Variants in DENND2B observed in about 807,000 individuals in gnomAD.
DENND2B encodes DENN domain-containing protein 2B.
In DENND2B, 32 loss-of-function variants were observed where a neutral mutation model predicts 116.0. The observed-to-expected ratio is 0.28, with a 90% confidence interval of 0.21 to 0.37. The LOEUF is 0.37. Ranked by LOEUF, DENND2B falls within the 10% of genes least tolerant of loss-of-function variation. The probability of loss-of-function intolerance (pLI) is 1.00; values close to 1 mark genes in which losing one functional copy is unlikely to be tolerated. For synonymous variants in DENND2B, 588 were observed against 583.9 expected, an observed-to-expected ratio of 1.01 and a Z score of -0.10; for missense variants, 1,276 against 1,477.7, an observed-to-expected ratio of 0.86 and a Z score of 2.24.
chr11:8,708,545 G>A (rs191101552), intron 11 of DENND2B, among the ~76,000 whole-genome samples: 15 of 152,298 alleles, frequency 9.8e-5, no homozygotes, highest in African/African-American at 3.6e-4. Flanking sequence ...CTTTGGCCCT[G>A]TTTGGCTGTC....
At chr11:8,898,663 C>A (rs1341410506) in intron 1 of DENND2B, among the ~76,000 whole-genome samples, 1 of 152,184 alleles carries the variant, frequency 6.6e-6, no homozygotes, top group Non-Finnish European at 1.5e-5. Context: ...TGGAAGACAT[C>A]TACTTTCATT....
At chr11:8,738,105 G>C (rs766062584) in intron 2 of DENND2B, among the ~76,000 whole-genome samples, 3 of 152,172 alleles carry the variant, frequency 2.0e-5, no homozygotes, top group Non-Finnish European at 4.4e-5. Context: ...TGCAGATACA[G>C]AGGGCACAAA....
intron 1 of DENND2B, among the ~76,000 whole-genome samples, chr11:8,758,760 C>T (rs1026324061): frequency 5.3e-5 from 8 of 152,188 alleles, no homozygotes; most frequent in African/African-American, 1.4e-4. Context: ...TCCACCGCAG[C>T]GCTGTGCCTC....
At chr11:8,752,159 TAAGC>T (rs2052630886) in intron 1 of DENND2B, among the ~76,000 whole-genome samples, 1 of 152,144 alleles carries the variant, frequency 6.6e-6, no homozygotes, top group African/African-American at 2.4e-5. Flanking sequence ...AAAAAAAAAT[TAAGC>T]AAGGTTGAGC....
intron 2 of DENND2B, among the ~76,000 whole-genome samples, chr11:8,857,750 G>A (rs2063245403): frequency 6.6e-6 from 1 of 152,178 alleles, no homozygotes; most frequent in African/African-American, 2.4e-5. Flanking sequence ...CAAAACACCT[G>A]GATGCCAGAC....
chr11:8,879,553 A>T (rs911025491), intron 2 of DENND2B, among the ~76,000 whole-genome samples: 2 of 152,270 alleles, frequency 1.3e-5, no homozygotes, highest in African/African-American at 4.8e-5. Flanking sequence ...TGAGGAAAAT[A>T]ACTCTAGAAA....
chr11:8,699,125 G>A (rs1045685959), intron 15 of DENND2B, 88 bp downstream of exon 15: 5 of 1,509,246 alleles, frequency 3.3e-6, no homozygotes, highest in African/African-American at 2.8e-5. Flanking sequence ...ATAAGAGCCT[G>A]GTAAAGAGGC....
chr11:8,900,732 C>T (rs1029391969), intron 1 of DENND2B, among the ~76,000 whole-genome samples: 3 of 151,548 alleles, frequency 2.0e-5, no homozygotes, highest in African/African-American at 4.8e-5. Context: ...TTTGGGAGGC[C>T]GAGGTGGGTA....
At chr11:8,704,395 C>T (rs1040624271) in intron 13 of DENND2B, among the ~76,000 whole-genome samples, 2 of 152,172 alleles carry the variant, frequency 1.3e-5, no homozygotes, top group African/African-American at 4.8e-5. Context: ...AGTCAGAAGA[C>T]GAGAGCCCAG....
intron 2 of DENND2B, among the ~76,000 whole-genome samples, chr11:8,868,826 A>G (rs550469355): frequency 2.6e-5 from 4 of 152,314 alleles, no homozygotes; most frequent in Non-Finnish European, 1.5e-5. Context: ...CCCCTCTTCT[A>G]TGAAACCGCC....
intron 1 of DENND2B, among the ~76,000 whole-genome samples, chr11:8,751,140 T>G (rs2052376362): frequency 6.6e-6 from 1 of 152,206 alleles, no homozygotes. Flanking sequence ...GCTCAAGGTT[T>G]GTAAACGCAC....
intron 2 of DENND2B, among the ~76,000 whole-genome samples, chr11:8,865,563 G>A (rs1274775836): frequency 6.6e-6 from 1 of 151,802 alleles, no homozygotes; most frequent in Non-Finnish European, 1.5e-5. Context: ...CTGTACATTT[G>A]GTAGCTGCCT....
chr11:8,891,250 T>C (rs2064028831), intron 1 of DENND2B, among the ~76,000 whole-genome samples: 1 of 152,008 alleles, frequency 6.6e-6, no homozygotes, highest in African/African-American at 2.4e-5. Context: ...GCAATAAACA[T>C]GGAAAGGAAC....
chr11:8,902,539 CT>C (rs1276824910), intron 1 of DENND2B, among the ~76,000 whole-genome samples: 3 of 152,130 alleles, frequency 2.0e-5, no homozygotes, highest in African/African-American at 7.2e-5. Context: ...TATTTCTTGT[CT>C]TCAAGTCTAT....
At chr11:8,699,123 C>G (rs532186484) in intron 15 of DENND2B, 90 bp downstream of exon 15, 19 of 1,511,962 alleles carry the variant, frequency 1.3e-5, no homozygotes, top group Middle Eastern at 2.4e-4. Context: ...GGATAAGAGC[C>G]TGGTAAAGAG....
intron 4 of DENND2B, among the ~76,000 whole-genome samples, chr11:8,818,450 C>T (rs2061653599): frequency 6.6e-6 from 1 of 151,922 alleles, no homozygotes; most frequent in Non-Finnish European, 1.5e-5. Context: ...TATGATCTAC[C>T]CAAGAAAATA....
intron 1 of DENND2B, among the ~76,000 whole-genome samples, chr11:8,778,503 C>A (rs534994117): frequency 6.6e-6 from 1 of 152,212 alleles, no homozygotes; most frequent in African/African-American, 2.4e-5. Flanking sequence ...ATTTATACTA[C>A]CCATGTCTGT....
chr11:8,829,086 G>C (rs1265307297), intron 4 of DENND2B, among the ~76,000 whole-genome samples: 8 of 150,536 alleles, frequency 5.3e-5, no homozygotes, highest in Admixed American at 1.3e-4. Flanking sequence ...TGGTGTGTTT[G>C]TGTGTGTGGT....
chr11:8,904,306 A>C (rs1307843603), intron 1 of DENND2B, among the ~76,000 whole-genome samples: 7 of 152,210 alleles, frequency 4.6e-5, no homozygotes, highest in African/African-American at 1.7e-4. Flanking sequence ...CATACAAAAA[A>C]CGTCTGAAAA....
Sources: gnomAD v4.1 joint callset for allele counts (sites outside exome capture counted in the v4.1 genomes callset) on GRCh38, gnomAD v4.1.1 for gene constraint, MANE v1.5 for transcripts, NCBI Gene and HGNC (gene_info 2026-07-23, HGNC 2026-07-21) for gene names.